Variants in CERS6 observed in about 807,000 individuals in gnomAD.
CERS6 encodes LAG1 homolog, ceramide synthase 6.
A neutral mutation model predicts 56.8 loss-of-function variants in CERS6; 26 were observed. The observed-to-expected ratio is 0.46, with a 90% CI of 0.34 to 0.63. CERS6 has a LOEUF of 0.63. Ranked by LOEUF, CERS6 falls within the 30% of genes least tolerant of loss-of-function variation. The pLI, the probability that CERS6 is intolerant of heterozygous loss-of-function variation, is 0.01. For synonymous variants in CERS6, 164 were observed against 173.3 expected, an observed-to-expected ratio of 0.95 and a Z score of 0.42; for missense variants, 415 against 467.5, an observed-to-expected ratio of 0.89 and a Z score of 1.04.
intron 3 of CERS6, among the ~76,000 whole-genome samples, chr2:168,593,976 G>C (rs892763880): frequency 6.6e-6 from 1 of 152,096 alleles, no homozygotes; most frequent in East Asian, 1.9e-4. Flanking sequence ...TGCTACATTG[G>C]TTTTGGTTGT....
chr2:168,462,147 T>G (rs1011916856), intron 1 of CERS6, among the ~76,000 whole-genome samples: 1 of 152,232 alleles, frequency 6.6e-6, no homozygotes, highest in African/African-American at 2.4e-5. Flanking sequence ...TGAAACCAGA[T>G]TTTTTATTTA....
intron 3 of CERS6, among the ~76,000 whole-genome samples, chr2:168,577,074 G>A (rs920693301): frequency 5.3e-5 from 8 of 152,320 alleles, no homozygotes; most frequent in Middle Eastern, 3.4e-3. Context: ...AGTTCAGGGA[G>A]GAGGTGTGGA....
At chr2:168,457,189 A>G (rs1693685955) in intron 1 of CERS6, among the ~76,000 whole-genome samples, 1 of 152,198 alleles carries the variant, frequency 6.6e-6, no homozygotes, top group African/African-American at 2.4e-5. Flanking sequence ...TTTATCCGTG[A>G]AACTATCAGG....
intron 1 of CERS6, among the ~76,000 whole-genome samples, chr2:168,480,790 C>G (rs772347571): frequency 6.6e-6 from 1 of 152,054 alleles, no homozygotes; most frequent in Non-Finnish European, 1.5e-5. Context: ...AAACCTAGAA[C>G]TGGGGAAAGT....
chr2:168,561,367 A>G, intron 3 of CERS6, 45 bp downstream of exon 3: 1 of 1,610,576 alleles, frequency 6.2e-7, no homozygotes, highest in Non-Finnish European at 8.5e-7. Context: ...CTAAGTACTC[A>G]TGCCAACCCT....
chr2:168,503,221 TC>T (rs1250497687), intron 1 of CERS6, among the ~76,000 whole-genome samples: 3 of 152,122 alleles, frequency 2.0e-5, no homozygotes, highest in Admixed American at 6.6e-5. Flanking sequence ...TCCTGAGGCC[TC>T]CCCAGCCACT....
At chr2:168,757,104 C>T (rs921923291) in intron 8 of CERS6, among the ~76,000 whole-genome samples, 10 of 152,004 alleles carry the variant, frequency 6.6e-5, no homozygotes, top group Admixed American at 6.6e-5. Flanking sequence ...GTGCTTAACA[C>T]GTAGTAATTA....
At chr2:168,747,483 C>A (rs1292182425) in intron 8 of CERS6, among the ~76,000 whole-genome samples, 1 of 151,892 alleles carries the variant, frequency 6.6e-6, no homozygotes, top group African/African-American at 2.4e-5. Context: ...TTGTTGGTAA[C>A]CTTTATTTCT....
At position 168,456,273 on chromosome 2, in the gene CERS6, G is replaced by A. The variant is rs1693644115; in HGVS notation, c.-176G>A. 4.7e-6 allele frequency: 1 copy of A among 213,966 alleles called. No individual in the cohort carries two copies. Among genetic ancestry groups the A allele is most frequent in the African/African-American group, 2.3e-5 (1 of 42,590 alleles). 13.3% of individuals were successfully genotyped at this position (213,966 alleles called of 1,614,324 possible). On this transcript the variant is annotated 5_prime_UTR_variant, in exon 1 of 10. Transcript: ENST00000305747. The surrounding 1 kb of genome is among the most constrained non-coding windows in gnomAD (Gnocchi z 4.1). ...CGCGGCCAGAGGGAGGAGAGAACCG[G>A]GGCTCGCCGCGAGCCTTCGAGAGCA...
chr2:168,464,686 T>A, intron 1 of CERS6, among the ~76,000 whole-genome samples: 1 of 147,636 alleles, frequency 6.8e-6, no homozygotes, highest in African/African-American at 2.6e-5. Context: ...GAAAGAGGGA[T>A]AGAGCCTAAA....
intron 2 of CERS6, 83 bp from the exon 3 acceptor site, chr2:168,561,109 C>G (rs1574066637): frequency 6.8e-7 from 1 of 1,462,338 alleles, no homozygotes; most frequent in Non-Finnish European, 9.4e-7. Context: ...AAAAAAACCT[C>G]TCAGATATAG....
At chr2:168,473,460 A>C (rs1158976638) in intron 1 of CERS6, among the ~76,000 whole-genome samples, 1 of 152,176 alleles carries the variant, frequency 6.6e-6, no homozygotes, top group African/African-American at 2.4e-5. Context: ...TTTTAAATGG[A>C]AATTCTGAAT....
At position 168,456,592 on chromosome 2, in the gene CERS6, C is replaced by G. The variant is rs1357451276; in HGVS notation, c.144C>G (p.Ile48Met). 1.9e-6 allele frequency: 3 copies of G among 1,613,864 alleles called. No homozygotes were observed. Among genetic ancestry groups the G allele is most frequent in the Non-Finnish European group, 1.7e-6 (2 of 1,179,838 alleles). ...LYLAFPLAFC[I>M]FMVRLIFERF... ...TCGCTTTTCCCCTGGCCTTCTGTAT[C>G]TTCATGGTGCGGCTCATCTTCGAGA... The change falls in exon 1 of 10, where the codon ATC becomes ATG. Residue 48 changes from isoleucine (I) to methionine (M), a missense_variant. By Grantham distance (10) the Ile-to-Met change is conservative. Transcript: ENST00000305747. The surrounding 1 kb of genome is among the most constrained non-coding windows in gnomAD (Gnocchi z 4.1).
intron 4 of CERS6, among the ~76,000 whole-genome samples, chr2:168,689,822 G>T (rs953425510): frequency 2.6e-5 from 4 of 152,184 alleles, no homozygotes; most frequent in Non-Finnish European, 4.4e-5. Flanking sequence ...GTTTAGGGCA[G>T]TGCATGGCTT....
chr2:168,614,035 G>A (rs1684250392), intron 3 of CERS6, among the ~76,000 whole-genome samples: 1 of 152,210 alleles, frequency 6.6e-6, no homozygotes, highest in African/African-American at 2.4e-5. Context: ...TTATGCAGGA[G>A]TGCAAGTTCA....
At chr2:168,535,502 T>G (rs914324455) in intron 1 of CERS6, among the ~76,000 whole-genome samples, 1 of 151,934 alleles carries the variant, frequency 6.6e-6, no homozygotes, top group Admixed American at 6.6e-5. Context: ...TTCCTTCCTC[T>G]CCGTGGATCA....
intron 8 of CERS6, among the ~76,000 whole-genome samples, chr2:168,731,834 C>T (rs1683543670): frequency 6.6e-6 from 1 of 152,184 alleles, no homozygotes; most frequent in East Asian, 1.9e-4. Flanking sequence ...TCAGAAGATA[C>T]GTGAAGCACT....
chr2:168,460,959 C>A (rs1435222251), intron 1 of CERS6, among the ~76,000 whole-genome samples: 2 of 151,874 alleles, frequency 1.3e-5, no homozygotes, highest in Non-Finnish European at 2.9e-5. Context: ...TTGGGTGAGG[C>A]CTTCTAGGAT....
chr2:168,467,979 ATATT>A (rs756831402), intron 1 of CERS6, among the ~76,000 whole-genome samples: 8 of 152,306 alleles, frequency 5.3e-5, no homozygotes, highest in Non-Finnish European at 8.8e-5. Flanking sequence ...TGAAGAGTAA[ATATT>A]TAGAGTTTTA....
Sources: allele counts gnomAD v4.1 joint callset (sites outside exome capture counted in the v4.1 genomes callset), GRCh38; gene constraint gnomAD v4.1.1; non-coding constraint Gnocchi (gnomAD v3.1); transcripts MANE v1.5; gene names NCBI Gene and HGNC (gene_info 2026-07-23, HGNC 2026-07-21).